FAM13B: variants seen among roughly 807,000 people sequenced by gnomAD.
FAM13B encodes the protein family with sequence similarity 13 member B.
In FAM13B, 60 loss-of-function variants were observed where a neutral mutation model predicts 117.3. The ratio of observed to expected loss-of-function variants is 0.51; its 90% CI spans 0.42 to 0.63. The LOEUF (loss-of-function observed/expected upper bound fraction) is 0.63, where lower values mean the gene tolerates loss of function less well. FAM13B is among the 30% of genes least tolerant of loss of function. The pLI is 0.00. For synonymous variants in FAM13B, 332 were observed against 356.1 expected (o/e 0.93, Z 0.76); for missense variants, 972 against 1,091.9 (o/e 0.89, Z 1.55).
At chr5:138,009,357 G>A (rs1449761665) in intron 6 of FAM13B, among the ~76,000 whole-genome samples, 1 of 152,050 alleles carries the variant, frequency 6.6e-6, no homozygotes, top group Non-Finnish European at 1.5e-5. Context: ...AATCTCAAAT[G>A]ATAGATCAGG....
intron 10 of FAM13B, among the ~76,000 whole-genome samples, chr5:137,983,176 T>TAAAAAAAAAAAAAAAAAAAAAAAAAAAAA (rs56880991): frequency 2.7e-5 from 2 of 75,118 alleles, no homozygotes; most frequent in African/African-American, 5.7e-5. Flanking sequence ...CCAGTGTAGG[T>TAAAAAAAAAAAAAAAAAAAAAAAAAAAAA]AAAAAAAAAA....
At chr5:137,957,558 A>T (rs1358049185) in intron 13 of FAM13B, among the ~76,000 whole-genome samples, 2 of 151,982 alleles carry the variant, frequency 1.3e-5, no homozygotes, top group Non-Finnish European at 1.5e-5. Flanking sequence ...AAAAAAAAAA[A>T]AAAAATTGGA....
At chr5:138,003,885 G>A (rs1364639251) in intron 7 of FAM13B, among the ~76,000 whole-genome samples, 4 of 152,108 alleles carry the variant, frequency 2.6e-5, no homozygotes, top group Admixed American at 1.3e-4. Flanking sequence ...TTTGCATTTC[G>A]ATTTGACTGT....
intron 10 of FAM13B, among the ~76,000 whole-genome samples, chr5:137,980,187 A>G (rs1240741210): frequency 1.3e-5 from 2 of 151,612 alleles, no homozygotes; most frequent in African/African-American, 2.4e-5. Flanking sequence ...AAAAAAAAAA[A>G]AAAGAAAGAA....
intron 1 of FAM13B, among the ~76,000 whole-genome samples, chr5:138,050,218 A>C (rs1791760357): frequency 6.6e-6 from 1 of 152,086 alleles, no homozygotes; most frequent in South Asian, 2.1e-4. Flanking sequence ...CAGGCAGATC[A>C]CCTGAGATGG....
intron 7 of FAM13B, among the ~76,000 whole-genome samples, chr5:137,996,781 C>T (rs1470829835): frequency 2.0e-5 from 3 of 152,000 alleles, no homozygotes; most frequent in Admixed American, 2.0e-4. Context: ...TTAGTACAGA[C>T]GGGGTTTCAC....
chr5:138,020,877 T>A, intron 2 of FAM13B, 154 bp downstream of exon 2: 1 of 419,698 alleles, frequency 2.4e-6, no homozygotes, highest in African/African-American at 2.0e-5. Flanking sequence ...TACATTTACA[T>A]AGTCTCAGAC....
At chr5:138,016,196 T>C (rs983707419) in intron 4 of FAM13B, among the ~76,000 whole-genome samples, 1 of 152,134 alleles carries the variant, frequency 6.6e-6, no homozygotes, top group African/African-American at 2.4e-5. Context: ...ATAGGGTAAA[T>C]GCGCAATTTT....
upstream of FAM13B, chr5:138,033,126 G>A (rs1790641854): frequency 2.4e-6 from 2 of 837,148 alleles, no homozygotes; most frequent in African/African-American, 1.8e-5. Flanking sequence ...GAGGGGGCGG[G>A]GCAGGCCGCT....
chr5:137,952,144 A>G (rs971799560), intron 17 of FAM13B, among the ~76,000 whole-genome samples: 1 of 152,210 alleles, frequency 6.6e-6, no homozygotes, highest in African/African-American at 2.4e-5. Context: ...CAATTACTAT[A>G]CTGGTTTGAC....
Position 138,047,959 on chromosome 5 carries a change from C to T in FAM13B, c.-203+3919G>A, listed in dbSNP as rs1791690531. Among the ~76,000 whole-genome samples the T allele has an allele frequency of 5.9e-5, 9 of 152,122 alleles. No homozygotes were observed. The South Asian group carries it at 1.9e-3, about 32-fold the overall frequency. ...GTGTTTTTAAAAAATTTTAAATAACCTTTTTATTTTAGAATAACTTTAGGT... is the reference window on the plus strand; with the variant it reads ...GTGTTTTTAAAAAATTTTAAATAACTTTTTTATTTTAGAATAACTTTAGGT... On this transcript the variant is annotated intron_variant, in intron 1 of 3. Coordinates refer to the FAM13B transcript ENST00000502471.
At chr5:137,975,878 T>C (rs1773772951) in intron 10 of FAM13B, among the ~76,000 whole-genome samples, 1 of 151,164 alleles carries the variant, frequency 6.6e-6, no homozygotes, top group South Asian at 2.1e-4. Flanking sequence ...TGATTCCTAC[T>C]GACATGCTCA....
In FAM13B at chr5:138,015,099, A is replaced by G. The variant is rs1006243676; in HGVS notation, c.371-3154T>C. On this transcript the variant is annotated intron_variant, in intron 4 of 23. Coordinates refer to ENST00000689681, the MANE Select transcript of FAM13B (RefSeq NM_001385994.1). ...ACCCAGAAGTTGTCAACATCTGACA[A>G]TGAACGGTTGTCATGACTTTGGGGA... Among the ~76,000 whole-genome samples, 22 of 152,358 alleles carry G rather than the reference A, an allele frequency of 1.4e-4. No homozygotes were observed. In the East Asian group the frequency reaches 3.5e-3, roughly 24 times the overall value.
intron 1 of FAM13B, among the ~76,000 whole-genome samples, chr5:138,022,831 C>CTTTT (rs751621682): frequency 2.1e-5 from 3 of 141,106 alleles, no homozygotes; most frequent in Admixed American, 1.4e-4. Context: ...AAGCTATTTT[C>CTTTT]TTTTTTTTTT....
At chr5:137,967,589 C>T (rs1271526872) in intron 10 of FAM13B, among the ~76,000 whole-genome samples, 1 of 151,912 alleles carries the variant, frequency 6.6e-6, no homozygotes, top group Non-Finnish European at 1.5e-5. Flanking sequence ...TGGATGTGGA[C>T]AACTGGAAAC....
chr5:138,012,044 T>G, intron 4 of FAM13B, 99 bp from the exon 5 acceptor site: 1 of 773,772 alleles, frequency 1.3e-6, no homozygotes, highest in South Asian at 1.8e-5. Context: ...ACCTTTTTAA[T>G]ACAACAATTC....
chr5:137,983,513 C>T (rs1176357944), intron 10 of FAM13B, among the ~76,000 whole-genome samples: 1 of 151,818 alleles, frequency 6.6e-6, no homozygotes, highest in Non-Finnish European at 1.5e-5. Context: ...TGGGGGGAGT[C>T]GAGAGAGGGT....
In FAM13B at chr5:137,973,703, C is replaced by T. The variant is rs1242242288; in HGVS notation, c.1180-11234G>A. The stretch of plus-strand genomic sequence containing the variant: ...TGGGAGAAAATTTTCACAACCTACT[C>T]ATCTGACAAAGGGCTAATATCCAGA... On this transcript the variant is annotated intron_variant, in intron 10 of 23. Coordinates refer to ENST00000689681, the MANE Select transcript of FAM13B (RefSeq NM_001385994.1). 4.0e-5 allele frequency among the ~76,000 whole-genome samples: 6 copies of T among 149,644 alleles called. No homozygotes were observed. The East Asian group carries it at 1.2e-3, about 30-fold the overall frequency.
At chr5:137,959,548 T>C (rs1205163508) in intron 13 of FAM13B, 68 bp downstream of exon 13, 2 of 1,531,748 alleles carry the variant, frequency 1.3e-6, no homozygotes, top group African/African-American at 1.4e-5. Flanking sequence ...TGTAGTCTTA[T>C]CATTGCTTAG....
Sources: allele counts gnomAD v4.1 joint callset (sites outside exome capture counted in the v4.1 genomes callset), GRCh38; gene constraint gnomAD v4.1.1; transcripts MANE v1.5; gene names NCBI Gene and HGNC (gene_info 2026-07-23, HGNC 2026-07-21).